The following ROCK2 variants were observed in gnomAD, a reference collection of about 807,000 sequenced individuals.
The protein encoded by ROCK2 is rho-associated protein kinase 2.
ROCK2 carries 61 observed loss-of-function variants against 195.1 expected under a neutral mutation model. The observed-to-expected ratio is 0.31, with a 90% CI of 0.25 to 0.39. The LOEUF is 0.39. ROCK2 is among the 10% of genes least tolerant of loss of function. ROCK2 has a pLI of 1.00. For missense variants in ROCK2, 1,109 were observed against 1,637.4 expected, an observed-to-expected ratio of 0.68 and a Z score of 5.57; for synonymous variants, 504 against 545.5, an observed-to-expected ratio of 0.92 and a Z score of 1.06.
chr2:11,254,999 T>C (rs1665972871), intron 3 of ROCK2, among the ~76,000 whole-genome samples: 1 of 151,756 alleles, frequency 6.6e-6, no homozygotes, highest in South Asian at 2.1e-4. Context: ...GGGCAGATCA[T>C]GAGGTCAGGA....
intron 3 of ROCK2, among the ~76,000 whole-genome samples, chr2:11,273,094 CAAAAAAAAAAAA>C (rs34784074): frequency 0.048 from 1,041 of 21,788 alleles, 52 homozygotes; most frequent in African/African-American, 0.15. Context: ...AAATAAGGGT[CAAAAAAAAAAAA>C]AAAAAAAAAG....
chr2:11,306,571 C>T (rs1667865680), intron 1 of ROCK2, among the ~76,000 whole-genome samples: 1 of 152,164 alleles, frequency 6.6e-6, no homozygotes. Flanking sequence ...CATTAAATGA[C>T]TGAGTGTACA....
Position 11,211,793 on chromosome 2 carries a change from T to C in ROCK2, c.2091A>G (p.Ile697Met). The change falls in exon 18 of 33, where the codon ATA (isoleucine) becomes ATG (methionine). Residue 697 changes from isoleucine (I) to methionine (M), a missense_variant. Physicochemically the swap from Ile to Met is conservative, Grantham distance 10 (BLOSUM62 1). Transcript: ENST00000315872. ...CTTCTTCTTGTTCTAGGCTCTGCTG[T>C]ATAACTTTTAGTTGGTATGTCATAT... ...EIDMTYQLKV[I>M]QQSLEQEEAE... 6.2e-7 allele frequency: 1 copy of C among 1,612,172 alleles called. No homozygotes were observed. The highest frequency in any genetic ancestry group is 8.5e-7 in the Non-Finnish European group (1 of 1,179,216).
chr2:11,270,682 T>G (rs1666595979), intron 3 of ROCK2, among the ~76,000 whole-genome samples: 1 of 152,230 alleles, frequency 6.6e-6, no homozygotes, highest in East Asian at 1.9e-4. Flanking sequence ...GTGTTTTTGA[T>G]CTCTAGAATT....
At chr2:11,220,874 A>G (rs1276297670) in intron 9 of ROCK2, among the ~76,000 whole-genome samples, 1 of 152,168 alleles carries the variant, frequency 6.6e-6, no homozygotes, top group African/African-American at 2.4e-5. Flanking sequence ...CATCTTTCTT[A>G]AGGCAACTGT....
chr2:11,317,576 T>TTATATATATA lies in ROCK2; in HGVS notation c.141+26410_141+26419dup, dbSNP rs1156983946. Among the ~76,000 whole-genome samples the TTATATATATA allele has an allele frequency of 1.0e-3, 31 of 29,560 alleles. 1 individual carries two copies. Among genetic ancestry groups the TTATATATATA allele is most frequent in the African/African-American group, 2.3e-3 (15 of 6,430 alleles). 19.4% of individuals were successfully genotyped at this position (29,560 alleles called of 152,430 possible). A position where few individuals can be genotyped will look rare whatever the true frequency, so the allele number is the denominator to read the frequency against. On this transcript the variant is annotated intron_variant, in intron 1 of 32. Transcript: ENST00000315872. ...TTTAAAGCCGCCCTGATCTACACAT[T>TTATATATATA]TATATATATATATATATATATATAT...
intron 4 of ROCK2, among the ~76,000 whole-genome samples, chr2:11,242,481 G>A (rs1440668670): frequency 6.6e-6 from 1 of 152,016 alleles, no homozygotes; most frequent in East Asian, 1.9e-4. Context: ...GAGGAGGGAC[G>A]GGATTCTACC....
At chr2:11,225,795 A>T (rs1429853959) in intron 6 of ROCK2, among the ~76,000 whole-genome samples, 1 of 152,250 alleles carries the variant, frequency 6.6e-6, no homozygotes, top group East Asian at 1.9e-4. Flanking sequence ...GGGAGAACGG[A>T]CAGCTACATG....
intron 1 of ROCK2, among the ~76,000 whole-genome samples, chr2:11,289,097 A>G (rs2148197208): frequency 6.6e-6 from 1 of 152,352 alleles, no homozygotes; most frequent in Middle Eastern, 3.4e-3. Flanking sequence ...AACATTTTTA[A>G]TAACAAAATG....
intron 18 of ROCK2, 101 bp downstream of exon 18, chr2:11,211,580 G>A (rs1664248173): frequency 8.9e-7 from 1 of 1,127,164 alleles, no homozygotes; most frequent in Non-Finnish European, 1.2e-6. Flanking sequence ...CCCAATATTT[G>A]ACAATGAAAT....
intron 1 of ROCK2, among the ~76,000 whole-genome samples, chr2:11,334,281 G>A (rs149873113): frequency 6.6e-6 from 1 of 152,134 alleles, no homozygotes. Flanking sequence ...GGGAGGCCAA[G>A]GTGGGCGGAT....
rs1017547833 is a variant in ROCK2, at chr2:11,180,211, G to A, written c.*3226C>T. 3 of 152,172 alleles carry A rather than the reference G, an allele frequency of 2.0e-5. No homozygotes were observed. The highest frequency in any genetic ancestry group is 4.4e-5 in the Non-Finnish European group (3 of 68,040). 9.4% of individuals were successfully genotyped at this position (152,172 alleles called of 1,614,324 possible). ...CATGTTTCAGTAAGGTTAATATAGT[G>A]TCCGAGTTTCTCTACTTTACCACCA... On this transcript the variant is annotated 3_prime_UTR_variant, in exon 33 of 33. Transcript: ENST00000315872.
chr2:11,300,862 A>T lies in ROCK2; in HGVS notation c.142-13126T>A, dbSNP rs184198879. Among the ~76,000 whole-genome samples, 5 of 152,332 alleles carry T rather than the reference A, an allele frequency of 3.3e-5. No homozygotes were observed. In the East Asian group the frequency reaches 9.6e-4, roughly 29 times the overall value. ...AATGATCTACTAAGGTGCAAAAAAA[A>T]AAGTTGTATCATTGGTGAGCAGAAT... is the stretch of plus-strand genomic sequence containing the variant. On this transcript the variant is annotated intron_variant, in intron 1 of 32. Coordinates refer to ENST00000315872, the MANE Select transcript of ROCK2 (RefSeq NM_004850.5).
At chr2:11,205,627 T>C (rs2148050877) in intron 20 of ROCK2, among the ~76,000 whole-genome samples, 1 of 151,708 alleles carries the variant, frequency 6.6e-6, no homozygotes, top group East Asian at 1.9e-4. Flanking sequence ...TTCTATTCAC[T>C]TATGTACCTG....
chr2:11,219,787 C>T (rs1363091994), intron 9 of ROCK2, among the ~76,000 whole-genome samples: 3 of 151,768 alleles, frequency 2.0e-5, no homozygotes, highest in African/African-American at 7.3e-5. Flanking sequence ...AGTGGCTTCC[C>T]AATGCCAGGC....
chr2:11,248,206 GT>G (rs1016921184), intron 4 of ROCK2, among the ~76,000 whole-genome samples: 5 of 123,840 alleles, frequency 4.0e-5, no homozygotes, highest in African/African-American at 5.9e-5. Flanking sequence ...TCAAAAGTGG[GT>G]TTTTTTTGGG....
intron 1 of ROCK2, among the ~76,000 whole-genome samples, chr2:11,296,451 T>C (rs949848351): frequency 2.0e-4 from 31 of 152,176 alleles, no homozygotes; most frequent in Admixed American, 1.3e-4. Flanking sequence ...TAACAAGAAG[T>C]TTGTCTATAT....
At chr2:11,281,968 A>T (rs1667019554) in intron 3 of ROCK2, among the ~76,000 whole-genome samples, 1 of 152,170 alleles carries the variant, frequency 6.6e-6, no homozygotes, top group African/African-American at 2.4e-5. Flanking sequence ...CCAATCACAA[A>T]AAAAACCCCA....
rs894701799 is a variant in ROCK2, at chr2:11,256,898, C to G, written c.325-7100G>C. On this transcript the variant is annotated intron_variant, in intron 3 of 32. Coordinates refer to ENST00000315872, the MANE Select transcript of ROCK2 (RefSeq NM_004850.5). Reference sequence around the variant, plus strand: ...CCTTCAGTTGGAAATATTAATACCCCATGGTCTTAGTTTAGGTTGTTCGGA... The same window carrying G: ...CCTTCAGTTGGAAATATTAATACCCGATGGTCTTAGTTTAGGTTGTTCGGA... 1.3e-4 allele frequency among the ~76,000 whole-genome samples: 20 copies of G among 151,388 alleles called. 2 individuals are homozygous for G. Among genetic ancestry groups the G allele is most frequent in the African/African-American group, 4.9e-4 (20 of 40,728 alleles).
Sources: gnomAD v4.1 joint callset for allele counts (sites outside exome capture counted in the v4.1 genomes callset) on GRCh38, gnomAD v4.1.1 for gene constraint, MANE v1.5 for transcripts, NCBI Gene and HGNC (gene_info 2026-07-23, HGNC 2026-07-21) for gene names.